The following STX8 variants were observed in gnomAD, a reference collection of about 807,000 sequenced individuals.
The protein encoded by STX8 is syntaxin 8, also known as syntaxin-8.
In STX8, 23 loss-of-function variants were observed where a neutral mutation model predicts 37.5. That is an observed-to-expected ratio of 0.61 (90% CI 0.44 to 0.87). The LOEUF is 0.87. STX8 is among the 40% of genes least tolerant of loss of function. The pLI is 0.00. For missense variants in STX8, 313 were observed against 284.7 expected, an observed-to-expected ratio of 1.10 and a Z score of -0.71; for synonymous variants, 115 against 99.1, an observed-to-expected ratio of 1.16 and a Z score of -0.95.
rs546572309 is a variant in STX8 at position 9,478,873 on chromosome 17, C to G, written c.541+12956G>C. On this transcript the variant is annotated intron_variant, in intron 6 of 7. Transcript: ENST00000306357. ...CCACCTCCTCATCAGCTCCCTTCGG[C>G]CCATTCCTGAAGCTGCAGCAGCTGC... 2.5e-3 allele frequency among the ~76,000 whole-genome samples: 387 copies of G among 152,344 alleles called. 1 individual carries two copies. The highest frequency in any genetic ancestry group is 8.9e-3 in the African/African-American group (370 of 41,578).
At chr17:9,514,460 CT>C (rs1905111493) in intron 4 of STX8, among the ~76,000 whole-genome samples, 1 of 152,034 alleles carries the variant, frequency 6.6e-6, no homozygotes, top group Non-Finnish European at 1.5e-5. Context: ...CAAAAATTAG[CT>C]AGGCATGGTG....
chr17:9,277,514 G>A (rs1421555658), intron 7 of STX8, among the ~76,000 whole-genome samples: 1 of 152,104 alleles, frequency 6.6e-6, no homozygotes, highest in Non-Finnish European at 1.5e-5. Context: ...ACCATGTTAG[G>A]TTCTGGGAAT....
At chr17:9,424,784 T>C (rs558264512) in intron 6 of STX8, among the ~76,000 whole-genome samples, 1 of 152,332 alleles carries the variant, frequency 6.6e-6, no homozygotes, top group East Asian at 1.9e-4. Context: ...ATCGAGAATA[T>C]CATCTTTCTT....
At chr17:9,399,870 A>AC (rs1912539999) in intron 6 of STX8, among the ~76,000 whole-genome samples, 1 of 151,082 alleles carries the variant, frequency 6.6e-6, no homozygotes, top group Admixed American at 6.6e-5. Flanking sequence ...TGTCTCAAAA[A>AC]AAAAAAAAAA....
intron 7 of STX8, among the ~76,000 whole-genome samples, chr17:9,288,223 A>G (rs1313622878): frequency 6.6e-6 from 1 of 151,808 alleles, no homozygotes; most frequent in African/African-American, 2.4e-5. Flanking sequence ...ATGACAAGAT[A>G]CAACGCAAAG....
At chr17:9,330,931 C>A (rs1909943001) in intron 7 of STX8, among the ~76,000 whole-genome samples, 1 of 152,236 alleles carries the variant, frequency 6.6e-6, no homozygotes, top group Non-Finnish European at 1.5e-5. Context: ...CAAATCCAGG[C>A]ACGAATAACT....
At chr17:9,551,041 C>A (rs375528666) in intron 3 of STX8, among the ~76,000 whole-genome samples, 1 of 152,150 alleles carries the variant, frequency 6.6e-6, no homozygotes, top group Non-Finnish European at 1.5e-5. Flanking sequence ...CACCATTGTG[C>A]TCCAGACTGG....
At chr17:9,456,181 C>T (rs550262608) in intron 6 of STX8, among the ~76,000 whole-genome samples, 2 of 151,938 alleles carry the variant, frequency 1.3e-5, no homozygotes, top group Non-Finnish European at 2.9e-5. Context: ...TATTTTCCCA[C>T]GGAAATGAAT....
intron 6 of STX8, among the ~76,000 whole-genome samples, chr17:9,468,202 C>G (rs569072003): frequency 1.3e-5 from 2 of 152,146 alleles, no homozygotes; most frequent in Admixed American, 1.3e-4. Context: ...CTCTGCCTCA[C>G]GGGTTCAAGC....
intron 3 of STX8, chr17:9,554,656 G>A (rs1368101095): frequency 3.3e-5 from 5 of 152,232 alleles, no homozygotes; most frequent in African/African-American, 9.7e-5. Flanking sequence ...TGTAATCCCA[G>A]CACTTTGGGA....
intron 6 of STX8, among the ~76,000 whole-genome samples, chr17:9,438,587 G>C (rs961182252): frequency 6.6e-6 from 1 of 152,094 alleles, no homozygotes; most frequent in Non-Finnish European, 1.5e-5. Flanking sequence ...CGTCTCTGTT[G>C]CAACTACTCA....
At chr17:9,489,400 G>A (rs535231623) in intron 6 of STX8, among the ~76,000 whole-genome samples, 1 of 152,286 alleles carries the variant, frequency 6.6e-6, no homozygotes, top group East Asian at 1.9e-4. Context: ...TAAACCAGAC[G>A]AAAGACAAGA....
In STX8 at chr17:9,297,547, C is replaced by A. The variant is rs182961146; in HGVS notation, c.644-46902G>T. Among the ~76,000 whole-genome samples, 6 of 152,270 alleles carry A rather than the reference C, an allele frequency of 3.9e-5. No homozygotes were observed. In the East Asian group the frequency reaches 1.2e-3, roughly 29 times the overall value. ...ACAAGCTGAATAGAGGTCATCATTC[C>A]AGGGCTAGGCAACAGCAAGTACTCA... is the stretch of plus-strand genomic sequence containing the variant. On this transcript the variant is annotated intron_variant, in intron 7 of 7. Transcript: ENST00000306357.
chr17:9,513,024 G>A (rs4791849), intron 4 of STX8, among the ~76,000 whole-genome samples: 97,942 of 152,066 alleles, frequency 0.64, 32,994 homozygotes, highest in Middle Eastern at 0.84. Flanking sequence ...AAAAAGAAAC[G>A]AATGAGATTA....
At chr17:9,519,423 AGATGGTT>A (rs1338959704) in intron 4 of STX8, among the ~76,000 whole-genome samples, 1 of 151,958 alleles carries the variant, frequency 6.6e-6, no homozygotes, top group East Asian at 1.9e-4. Flanking sequence ...CCTCCCTCAG[AGATGGTT>A]CTCACATCCA....
chr17:9,475,041 T>C (rs1567576485), intron 6 of STX8, among the ~76,000 whole-genome samples: 1 of 152,034 alleles, frequency 6.6e-6, no homozygotes, highest in Non-Finnish European at 1.5e-5. Context: ...TTCAGCAAAA[T>C]GATTTCTATA....
intron 7 of STX8, among the ~76,000 whole-genome samples, chr17:9,277,180 G>A (rs2142146878): frequency 6.6e-6 from 1 of 152,268 alleles, no homozygotes. Context: ...GTTTAATGCG[G>A]ATGAACATCT....
At chr17:9,418,696 G>A (rs536703332) in intron 6 of STX8, among the ~76,000 whole-genome samples, 8 of 151,256 alleles carry the variant, frequency 5.3e-5, no homozygotes, top group East Asian at 3.9e-4. Flanking sequence ...GCGTGGTGGC[G>A]GGCGCCTGTA....
chr17:9,390,779 GT>G (rs1210485611), intron 6 of STX8, among the ~76,000 whole-genome samples: 8 of 147,204 alleles, frequency 5.4e-5, no homozygotes, highest in Non-Finnish European at 1.0e-4. Context: ...GGAGGTTGCA[GT>G]GAGCCGAGAT....
Sources: gnomAD v4.1 joint callset for allele counts (sites outside exome capture counted in the v4.1 genomes callset) on GRCh38, gnomAD v4.1.1 for gene constraint, MANE v1.5 for transcripts, NCBI Gene and HGNC (gene_info 2026-07-23, HGNC 2026-07-21) for gene names.